Variants in ANKRD27 observed in about 807,000 individuals in gnomAD.
ANKRD27 encodes ankyrin repeat domain-containing protein 27.
Under a neutral mutation model 129.7 loss-of-function variants are expected in ANKRD27, and 112 were observed. That is an observed-to-expected ratio of 0.86 (90% confidence interval 0.74 to 1.01). The LOEUF is 1.01. Among genes scored for constraint, ANKRD27 ranks in the 50% least tolerant of loss-of-function variants. The pLI is 0.00. For synonymous variants in ANKRD27, 516 were observed against 511.2 expected (o/e 1.01, Z -0.13); for missense variants, 1,258 against 1,300.5 (o/e 0.97, Z 0.50).
intron 16 of ANKRD27, 38 bp from the exon 17 acceptor site, chr19:32,626,004 C>T (rs771931331): frequency 1.1e-5 from 17 of 1,538,394 alleles, no homozygotes; most frequent in East Asian, 9.3e-5. Flanking sequence ...AGGGCACAGC[C>T]GGCTCCCTGG....
chr19:32,600,122 GAC>G, intron 26 of ANKRD27, 72 bp from the exon 27 acceptor site: 1 of 1,130,298 alleles, frequency 8.8e-7, no homozygotes, highest in Non-Finnish European at 1.3e-6. Context: ...TTACAGCACA[GAC>G]ACAATCTTTC....
chr19:32,619,550 G>A lies in ANKRD27; in HGVS notation c.1831C>T (p.Leu611=). 1 of 1,614,126 alleles carries A rather than the reference G, an allele frequency of 6.2e-7. No individual in the cohort carries two copies. The highest frequency in any genetic ancestry group is 8.5e-7 in the Non-Finnish European group (1 of 1,180,032). The change falls in exon 19 of 29, where the codon CTG becomes TTG. Residue 611 remains leucine (L), a synonymous_variant. Transcript: ENST00000306065. ...AGGTGATAGGCTTCCATTACAGACA[G>A]AATCTAGGGGGACAAGGGGGATGCC... ...PLKCALNSKI[L]SVMEAYHLSF...
intron 26 of ANKRD27, among the ~76,000 whole-genome samples, chr19:32,601,389 G>C (rs1971651561): frequency 6.6e-6 from 1 of 152,016 alleles, no homozygotes. Context: ...GAGGTCAGGA[G>C]ATGGAGACCA....
chr19:32,646,529 GAA>G lies in ANKRD27; in HGVS notation c.298_299del (p.Phe100LeufsTer3), dbSNP rs772369230. The G allele has an allele frequency of 5.6e-6, 9 of 1,613,992 alleles. No homozygotes were observed. The highest frequency in any genetic ancestry group is 1.7e-5 in the Admixed American group (1 of 59,978). ...LSVPILFEET[F>X]YNEKEESFSI... ...TGAAACTCTCTTCTTTTTCATTGTAGAAAGTTTCTTCAAAGAGAATGGGCACT... is the reference window on the plus strand; with the variant it reads ...TGAAACTCTCTTCTTTTTCATTGTAGAGTTTCTTCAAAGAGAATGGGCACT... On this transcript the variant is annotated frameshift_variant, in exon 4 of 29. Coordinates refer to ENST00000306065, the MANE Select transcript of ANKRD27 (RefSeq NM_032139.3). LOFTEE classifies it high-confidence loss of function.
chr19:32,669,720 G>A (rs77939949), intron 1 of ANKRD27, among the ~76,000 whole-genome samples: 3,433 of 152,214 alleles, frequency 0.023, 147 homozygotes, highest in African/African-American at 0.078. Flanking sequence ...AGCAGTGGTC[G>A]GGCGTGGTGG....
chr19:32,611,877 G>A (rs952414568), intron 22 of ANKRD27, among the ~76,000 whole-genome samples: 8 of 151,918 alleles, frequency 5.3e-5, no homozygotes, highest in Admixed American at 2.6e-4. Flanking sequence ...CATCGTGCCC[G>A]GCCAAATTCA....
At chr19:32,618,987 C>T (rs565901169) in intron 20 of ANKRD27, among the ~76,000 whole-genome samples, 2 of 152,324 alleles carry the variant, frequency 1.3e-5, no homozygotes, top group Admixed American at 1.3e-4. Flanking sequence ...TCTTCTTAGC[C>T]TATCCTCTCT....
chr19:32,627,478 A>C (rs1264705654), intron 15 of ANKRD27, among the ~76,000 whole-genome samples: 3 of 150,890 alleles, frequency 2.0e-5, no homozygotes, highest in African/African-American at 7.3e-5. Flanking sequence ...AGCTCACTAC[A>C]ACCTCCACCT....
At chr19:32,648,325 G>T (rs778787058) in intron 3 of ANKRD27, among the ~76,000 whole-genome samples, 5 of 152,034 alleles carry the variant, frequency 3.3e-5, no homozygotes, top group Admixed American at 6.6e-5. Flanking sequence ...TTTTTGCTAT[G>T]AAAGATATAA....
chr19:32,628,590 CTGTA>C, intron 14 of ANKRD27, 128 bp downstream of exon 14: 1 of 1,173,812 alleles, frequency 8.5e-7, no homozygotes, highest in African/African-American at 1.5e-5. Context: ...ATCATCTCCA[CTGTA>C]CAGCAGAGGC....
In ANKRD27 at chr19:32,643,472, T is replaced by C. The variant is rs1427579149; in HGVS notation, c.598A>G (p.Lys200Glu). Residue 200 changes from lysine (K) to glutamate (E), a missense_variant, in exon 7 of 29, where the codon AAG becomes GAG. Lys to Glu is a moderately conservative substitution (Grantham distance 56). Transcript: ENST00000306065. ...ATCAGGTTCATCTGGGCCTCCTGCT[T>C]GGCGAGCATTTTCTAGAGGGCAAGA... ...LRDSHLKMLA[K>E]QEAQMNLMKQ... 1 of 1,613,768 alleles carries C rather than the reference T, an allele frequency of 6.2e-7. No individual in the cohort carries two copies. The highest frequency in any genetic ancestry group is 8.5e-7 in the Non-Finnish European group (1 of 1,179,984).
chr19:32,631,162 C>T (rs1191461601), intron 13 of ANKRD27, among the ~76,000 whole-genome samples: 1 of 152,070 alleles, frequency 6.6e-6, no homozygotes, highest in Non-Finnish European at 1.5e-5. Flanking sequence ...AGACTACAGG[C>T]ATGTGTCACC....
At chr19:32,604,121 GAC>G (rs1184121173) in intron 25 of ANKRD27, 140 bp downstream of exon 25, 1 of 878,712 alleles carries the variant, frequency 1.1e-6, no homozygotes, top group East Asian at 2.7e-5. Context: ...CCACGCTGTG[GAC>G]TTCTGGCACA....
In ANKRD27 at chr19:32,615,862, G is replaced by A. The variant is rs146468859; in HGVS notation, c.2053-82C>T. The A allele has an allele frequency of 4.2e-4, 647 of 1,534,946 alleles. 4 individuals are homozygous for A. In the East Asian group the frequency reaches 8.3e-3, roughly 20 times the overall value. Reference sequence around the variant, plus strand: ...ATATCTTAAACACACACCATCAACCGTTCCCAATCAGGGCCCACGCTTCCT... The same window carrying A: ...ATATCTTAAACACACACCATCAACCATTCCCAATCAGGGCCCACGCTTCCT... On this transcript the variant is annotated intron_variant, in intron 21 of 28. Coordinates refer to ENST00000306065, the MANE Select transcript of ANKRD27 (RefSeq NM_032139.3).
rs148280687 is a variant in ANKRD27, at chr19:32,636,780, C to T, written c.1116+2576G>A. Among the ~76,000 whole-genome samples the T allele has an allele frequency of 9.8e-3, 1,482 of 150,690 alleles. 22 individuals are homozygous for T. The highest frequency in any genetic ancestry group is 0.033 in the African/African-American group (1,345 of 41,116). ...TACACATATTTGAGACAGAGTCTTG[C>T]TGTGTTGCTCAGACTAGAGTGCAGT... On this transcript the variant is annotated intron_variant, in intron 12 of 28. Coordinates refer to ENST00000306065, the MANE Select transcript of ANKRD27 (RefSeq NM_032139.3).
chr19:32,671,800 C>T (rs1466933180), intron 1 of ANKRD27, among the ~76,000 whole-genome samples: 1 of 152,180 alleles, frequency 6.6e-6, no homozygotes, highest in Non-Finnish European at 1.5e-5. Context: ...TCTTATAAAA[C>T]TTCTTTTAAA....
intron 2 of ANKRD27, among the ~76,000 whole-genome samples, chr19:32,657,427 A>G (rs1034389148): frequency 6.0e-5 from 9 of 149,730 alleles, no homozygotes; most frequent in Non-Finnish European, 1.0e-4. Context: ...GCGCCACTGC[A>G]CTCTAGCCTG....
chr19:32,661,348 A>G (rs993989307), intron 1 of ANKRD27, among the ~76,000 whole-genome samples: 3 of 152,026 alleles, frequency 2.0e-5, no homozygotes, highest in Non-Finnish European at 2.9e-5. Context: ...ATTTTGAGAC[A>G]GGGTTTCACA....
chr19:32,627,200 A>G (rs1313625533), intron 15 of ANKRD27, among the ~76,000 whole-genome samples: 1 of 152,072 alleles, frequency 6.6e-6, no homozygotes, highest in Non-Finnish European at 1.5e-5. Flanking sequence ...AGCACACAAC[A>G]GAATATTATG....
Sources: allele counts gnomAD v4.1 joint callset (sites outside exome capture counted in the v4.1 genomes callset), GRCh38; gene constraint gnomAD v4.1.1; transcripts MANE v1.5; gene names NCBI Gene and HGNC (gene_info 2026-07-23, HGNC 2026-07-21).